Variants in USP25 observed in about 807,000 individuals in gnomAD.
USP25 encodes ubiquitin carboxyl-terminal hydrolase 25.
A neutral mutation model predicts 158.5 loss-of-function variants in USP25; 85 were observed. The observed-to-expected ratio is 0.54, with a 90% confidence interval of 0.45 to 0.64. The LOEUF is 0.64. Ranked by LOEUF, USP25 falls within the 30% of genes least tolerant of loss-of-function variation. The probability of loss-of-function intolerance (pLI) is 0.00; values close to 1 mark genes in which losing one functional copy is unlikely to be tolerated. For missense variants in USP25, 1,242 were observed against 1,327.3 expected, an observed-to-expected ratio of 0.94 and a Z score of 1.00; for synonymous variants, 464 against 460.4, an observed-to-expected ratio of 1.01 and a Z score of -0.10.
chr21:15,854,849 G>A (rs1232292153), intron 20 of USP25, among the ~76,000 whole-genome samples: 4 of 152,152 alleles, frequency 2.6e-5, no homozygotes, highest in African/African-American at 9.7e-5. Context: ...AAAAAAAAAT[G>A]CAATGGGCTA....
intron 3 of USP25, among the ~76,000 whole-genome samples, chr21:15,767,178 CT>C (rs1354537104): frequency 3.3e-5 from 5 of 152,068 alleles, no homozygotes; most frequent in African/African-American, 1.2e-4. Flanking sequence ...TCATTTTCCA[CT>C]GTTTTCCTCC....
intron 11 of USP25, 120 bp from the exon 12 acceptor site, chr21:15,824,846 C>G: frequency 1.4e-6 from 1 of 726,044 alleles, no homozygotes; most frequent in East Asian, 3.0e-5. Context: ...GAACTCCTGA[C>G]CTCAGGTGAT....
intron 18 of USP25, among the ~76,000 whole-genome samples, chr21:15,844,260 G>A (rs1405255883): frequency 1.3e-5 from 2 of 152,048 alleles, no homozygotes; most frequent in African/African-American, 4.8e-5. Flanking sequence ...TTTAAACTTA[G>A]CGTACACTAG....
At chr21:15,809,350 G>C (rs758927100) in intron 8 of USP25, among the ~76,000 whole-genome samples, 1 of 152,132 alleles carries the variant, frequency 6.6e-6, no homozygotes, top group Non-Finnish European at 1.5e-5. Flanking sequence ...TCTGCCCAGA[G>C]GTGACACACA....
At chr21:15,747,092 T>G (rs2032620383) in intron 1 of USP25, among the ~76,000 whole-genome samples, 1 of 152,228 alleles carries the variant, frequency 6.6e-6, no homozygotes, top group Non-Finnish European at 1.5e-5. Flanking sequence ...GATTCTTTTC[T>G]GTGAAATTGA....
At chr21:15,762,763 C>A in intron 1 of USP25, 128 bp from the exon 2 acceptor site, 3 of 763,828 alleles carry the variant, frequency 3.9e-6, no homozygotes, top group Non-Finnish European at 6.1e-6. Context: ...GTTCTTTTTC[C>A]TTTTTTACTC....
chr21:15,788,194 G>A (rs529994503), intron 4 of USP25, among the ~76,000 whole-genome samples: 187 of 151,588 alleles, frequency 1.2e-3, no homozygotes, highest in Non-Finnish European at 2.2e-3. Context: ...CTACCAGCTG[G>A]TAATACCTGG....
At chr21:15,871,916 G>A (rs971915318) in intron 23 of USP25, among the ~76,000 whole-genome samples, 3 of 151,300 alleles carry the variant, frequency 2.0e-5, no homozygotes, top group Non-Finnish European at 4.4e-5. Flanking sequence ...ACTTGAACCC[G>A]GGAGGCGGAG....
intron 4 of USP25, among the ~76,000 whole-genome samples, chr21:15,785,919 G>GA (rs939301812): frequency 1.9e-3 from 256 of 132,976 alleles, no homozygotes; most frequent in Middle Eastern, 0.011. Context: ...AAGAAAAAAG[G>GA]AAAAAAAAAA....
At chr21:15,815,731 ATCAG>A (rs1392915985) in intron 9 of USP25, among the ~76,000 whole-genome samples, 4 of 152,220 alleles carry the variant, frequency 2.6e-5, no homozygotes, top group South Asian at 4.1e-4. Flanking sequence ...CAGGAAAAAA[ATCAG>A]TCAGTGTTAC....
intron 17 of USP25, among the ~76,000 whole-genome samples, chr21:15,834,287 C>G (rs2037953045): frequency 6.6e-6 from 1 of 152,124 alleles, no homozygotes; most frequent in Admixed American, 6.5e-5. Flanking sequence ...TAAAAGATTA[C>G]TCTTCACTGA....
intron 1 of USP25, among the ~76,000 whole-genome samples, chr21:15,746,557 G>A (rs537044970): frequency 7.8e-4 from 118 of 152,092 alleles, no homozygotes; most frequent in African/African-American, 2.7e-3. Flanking sequence ...ACCACACCCG[G>A]CTAATTTTTT....
chr21:15,870,703 T>C (rs2039850064), intron 23 of USP25, among the ~76,000 whole-genome samples: 1 of 152,246 alleles, frequency 6.6e-6, no homozygotes, highest in Middle Eastern at 3.2e-3. Flanking sequence ...TTAATGCGTG[T>C]TGTTGAACAT....
intron 1 of USP25, among the ~76,000 whole-genome samples, chr21:15,762,511 C>G (rs963294391): frequency 1.3e-5 from 2 of 151,968 alleles, no homozygotes; most frequent in Non-Finnish European, 1.5e-5. Flanking sequence ...TATGTCTTGC[C>G]GAAAGCATGT....
chr21:15,779,491 A>G (rs905264507), intron 4 of USP25, among the ~76,000 whole-genome samples: 1 of 151,846 alleles, frequency 6.6e-6, no homozygotes, highest in Non-Finnish European at 1.5e-5. Flanking sequence ...TTATATGAGT[A>G]TATGAATATA....
At chr21:15,779,138 A>G (rs9977583) in intron 4 of USP25, among the ~76,000 whole-genome samples, 4,373 of 152,026 alleles carry the variant, frequency 0.029, 208 homozygotes, top group African/African-American at 0.097. Flanking sequence ...TATTATGTAA[A>G]GACTTAATTA....
At chr21:15,799,171 A>G (rs2036007767) in intron 5 of USP25, among the ~76,000 whole-genome samples, 1 of 151,226 alleles carries the variant, frequency 6.6e-6, no homozygotes, top group South Asian at 2.1e-4. Context: ...AGTTTAAAAA[A>G]CATACTCCAG....
intron 20 of USP25, among the ~76,000 whole-genome samples, chr21:15,859,991 A>ATATATATATATAT (rs1315516466): frequency 7.6e-6 from 1 of 131,140 alleles, no homozygotes; most frequent in African/African-American, 2.9e-5. Context: ...ATATATCTAT[A>ATATATATATATAT]TTTTTTTTTT....
intron 5 of USP25, among the ~76,000 whole-genome samples, chr21:15,796,228 G>A (rs1254000307): frequency 1.3e-5 from 2 of 151,298 alleles, no homozygotes; most frequent in Non-Finnish European, 3.0e-5. Flanking sequence ...AAGGATATAG[G>A]GTCTTTGGGA....
Sources: allele counts gnomAD v4.1 joint callset (sites outside exome capture counted in the v4.1 genomes callset), GRCh38; gene constraint gnomAD v4.1.1; transcripts MANE v1.5; gene names NCBI Gene and HGNC (gene_info 2026-07-23, HGNC 2026-07-21).